Variants in TMEM164 observed in about 807,000 individuals in gnomAD.
The protein encoded by TMEM164 is transmembrane protein 164.
TMEM164 carries 4 observed loss-of-function variants against 18.8 expected under a neutral mutation model. The observed-to-expected ratio is 0.21, with a 90% CI of 0.10 to 0.49. The LOEUF (loss-of-function observed/expected upper bound fraction) is 0.49, where lower values mean the gene tolerates loss of function less well. Ranked by LOEUF, TMEM164 falls within the 20% of genes least tolerant of loss-of-function variation. The probability of loss-of-function intolerance (pLI) is 0.98; values close to 1 mark genes in which losing one functional copy is unlikely to be tolerated. For synonymous variants in TMEM164, 86 were observed against 101.7 expected, an observed-to-expected ratio of 0.85 and a Z score of 0.93; for missense variants, 108 against 239.9, an observed-to-expected ratio of 0.45 and a Z score of 3.63.
chrX:110,159,632 T>C (rs914541806), intron 5 of TMEM164, among the ~76,000 whole-genome samples: 1 of 110,634 alleles, frequency 9.0e-6, no homozygotes, highest in Non-Finnish European at 1.9e-5. Flanking sequence ...GTGACACTGA[T>C]CTGAGGTGAA....
In TMEM164 at chrX:110,003,934, C is replaced by A. The variant is rs912007233; in HGVS notation, c.160C>A (p.Leu54Met). 2.5e-6 allele frequency: 3 copies of A among 1,211,552 alleles called. No individual in the cohort carries two copies. Among genetic ancestry groups the A allele is most frequent in the Non-Finnish European group, 2.2e-6 (2 of 895,459 alleles). Residue 54 changes from leucine to methionine, a missense_variant, in exon 2 of 7, where the codon CTG (leucine) becomes ATG (methionine). Leu to Met is a conservative substitution (Grantham distance 15). Transcript: ENST00000372068. ...VVLTLALLEI[L>M]VALRHILRQT... is the part of the protein sequence containing the mutation. ...CCTGACCCTGGCTCTGTTGGAGATC[C>A]TGGTGGCCCTGCGGCACATCCTGAG...
At chrX:110,055,879 G>A (rs1935801998) in intron 2 of TMEM164, among the ~76,000 whole-genome samples, 1 of 111,081 alleles carries the variant, frequency 9.0e-6, no homozygotes, top group African/African-American at 3.3e-5. Flanking sequence ...GCATGTAAAA[G>A]GGAGTAGTGA....
At chrX:110,027,246 A>T (rs917506505) in intron 2 of TMEM164, among the ~76,000 whole-genome samples, 5 of 111,709 alleles carry the variant, frequency 4.5e-5, no homozygotes, top group African/African-American at 1.6e-4. Context: ...TTTAAAAATC[A>T]TGAATGGATG....
chrX:110,042,019 A>T (rs1935116538), intron 2 of TMEM164, among the ~76,000 whole-genome samples: 1 of 112,177 alleles, frequency 8.9e-6, no homozygotes, highest in Non-Finnish European at 1.9e-5. Context: ...AATTAGTTAA[A>T]TATATACATA....
At chrX:110,163,514 A>G (rs113011301) in intron 5 of TMEM164, among the ~76,000 whole-genome samples, 10 of 112,177 alleles carry the variant, frequency 8.9e-5, no homozygotes, top group African/African-American at 1.6e-4. Flanking sequence ...CACCAGCTGC[A>G]TGTGACTAGT....
chrX:110,116,835 TGTGTGTGTGTGTGTGTGCGCGTGTGC>T (rs1346922708), intron 4 of TMEM164, among the ~76,000 whole-genome samples: 1 of 105,745 alleles, frequency 9.5e-6, no homozygotes, highest in East Asian at 2.9e-4. Flanking sequence ...TGTGTGTGTG[TGTGTGTGTGTGTGTGTGCGCGTGTGC>T]GTGTGTGTGT....
intron 3 of TMEM164, among the ~76,000 whole-genome samples, chrX:110,100,773 T>C (rs906887057): frequency 3.6e-5 from 4 of 110,432 alleles, no homozygotes; most frequent in African/African-American, 1.3e-4. Flanking sequence ...ATTTTTTTAG[T>C]AGAGACGGGG....
intron 5 of TMEM164, among the ~76,000 whole-genome samples, chrX:110,149,301 C>A (rs1030012147): frequency 2.7e-5 from 3 of 111,615 alleles, no homozygotes; most frequent in Non-Finnish European, 5.6e-5. Flanking sequence ...TTCTCAATTA[C>A]CCTTTATTCC....
intron 3 of TMEM164, among the ~76,000 whole-genome samples, chrX:110,092,604 T>C (rs1446539270): frequency 8.9e-6 from 1 of 112,056 alleles, no homozygotes; most frequent in Non-Finnish European, 1.9e-5. Context: ...TTAAAGAGAT[T>C]TGGGGCTGAG....
intron 1 of TMEM164, 87 bp from the exon 2 acceptor site, chrX:110,003,414 C>T (rs1245288093): frequency 1.8e-5 from 3 of 166,136 alleles, no homozygotes; most frequent in South Asian, 4.5e-4. Flanking sequence ...TTTCTTCCCT[C>T]GCTAGTTACC....
chrX:110,048,336 G>A (rs1350296063), intron 2 of TMEM164, among the ~76,000 whole-genome samples: 2 of 111,567 alleles, frequency 1.8e-5, no homozygotes, highest in African/African-American at 6.5e-5. Context: ...TTATTATAGA[G>A]TGATTTGTAT....
At position 110,177,737 on chromosome X, in the gene TMEM164, G is replaced by C. The variant is rs755995634; in HGVS notation, c.*4286G>C. ...AATGAAAAGGAACCCTCACCATGGG[G>C]CTTACTGTTATAATGTTTCTTCATT... On this transcript the variant is annotated 3_prime_UTR_variant, in exon 7 of 7. Transcript: ENST00000372068. The C allele has an allele frequency of 1.3e-4, 15 of 112,295 alleles. No individual in the cohort carries two copies. The highest frequency in any genetic ancestry group is 4.8e-4 in the African/African-American group (15 of 30,929). The allele number at this position is 112,295 out of a possible 1,213,427, so 9.3% of individuals were successfully genotyped here.
chrX:110,131,457 A>G (rs1173753872), intron 4 of TMEM164, among the ~76,000 whole-genome samples: 1 of 111,245 alleles, frequency 9.0e-6, no homozygotes, highest in Non-Finnish European at 1.9e-5. Context: ...TCTCATACCT[A>G]CTGCTCTACA....
intron 5 of TMEM164, among the ~76,000 whole-genome samples, chrX:110,169,188 A>C (rs1158126597): frequency 9.0e-6 from 1 of 111,458 alleles, no homozygotes; most frequent in Non-Finnish European, 1.9e-5. Flanking sequence ...ATACACCTCA[A>C]TTTCATGTCT....
At chrX:110,105,679 GACACACACAC>G (rs758900532) in intron 3 of TMEM164, among the ~76,000 whole-genome samples, 30 of 65,432 alleles carry the variant, frequency 4.6e-4, no homozygotes, top group South Asian at 8.7e-4. Context: ...TAGAAACACA[GACACACACAC>G]ACACACACAC....
chrX:110,049,555 C>A (rs752503463), intron 2 of TMEM164, among the ~76,000 whole-genome samples: 45 of 111,275 alleles, frequency 4.0e-4, no homozygotes, highest in African/African-American at 1.3e-3. Context: ...GGTGATGATG[C>A]TCACTCATCT....
At chrX:110,063,531 G>C (rs1205776763) in intron 2 of TMEM164, among the ~76,000 whole-genome samples, 1 of 111,234 alleles carries the variant, frequency 9.0e-6, no homozygotes, top group Non-Finnish European at 1.9e-5. Context: ...GCAGGTAGAG[G>C]ATGAACTGGG....
At chrX:110,008,337 A>G (rs1207179144) in intron 2 of TMEM164, among the ~76,000 whole-genome samples, 1 of 111,697 alleles carries the variant, frequency 9.0e-6, no homozygotes, top group Non-Finnish European at 1.9e-5. Flanking sequence ...TTCCCCCTTG[A>G]CTTCACACCA....
chrX:110,018,126 C>T (rs1933584905), intron 2 of TMEM164, among the ~76,000 whole-genome samples: 1 of 112,084 alleles, frequency 8.9e-6, no homozygotes, highest in Non-Finnish European at 1.9e-5. Flanking sequence ...TCATTTCCTG[C>T]CTCCAAATAG....
Sources: gnomAD v4.1 joint callset for allele counts (sites outside exome capture counted in the v4.1 genomes callset) on GRCh38, gnomAD v4.1.1 for gene constraint, MANE v1.5 for transcripts, NCBI Gene and HGNC (gene_info 2026-07-23, HGNC 2026-07-21) for gene names.